Variants in ATF5 observed in about 807,000 individuals in gnomAD.
ATF5 encodes cyclic AMP-dependent transcription factor ATF-5.
ATF5 carries 6 observed loss-of-function variants against 4.6 expected under a neutral mutation model. The ratio of observed to expected loss-of-function variants is 1.31; its 90% CI spans 0.72 to 2.59. The LOEUF (loss-of-function observed/expected upper bound fraction) is 2.59, where lower values mean the gene tolerates loss of function less well. Ranked by LOEUF, ATF5 falls within the 30% of genes most tolerant of loss-of-function variation. The pLI is 0.00. For missense variants in ATF5, 410 were observed against 368.7 expected (o/e 1.11, Z -0.92); for synonymous variants, 193 against 165.0 (o/e 1.17, Z -1.30).
At chr19:49,931,363 A>G in intron 2 of ATF5, 1 of 381,062 alleles carries the variant, frequency 2.6e-6, no homozygotes. Context: ...TGAGGCATAA[A>G]TGATGGGAAG....
rs1568734963 is a variant in ATF5, at chr19:49,932,692, T to TC, written c.454dup (p.Gln152ProfsTer83). On this transcript the variant is annotated frameshift_variant, in exon 3 of 3. Coordinates refer to ENST00000423777, the MANE Select transcript of ATF5 (RefSeq NM_001193646.2). LOFTEE classifies it low-confidence loss of function (END_TRUNC). ...CCCCTGTCCCTCCCCTCCTTTGACC[T>TC]CCCCCAGCCCCCTGTCTTGGATACT... 7 of 1,084,142 alleles carry TC rather than the reference T, an allele frequency of 6.5e-6. No individual in the cohort carries two copies. The highest frequency in any genetic ancestry group is 8.4e-6 in the Non-Finnish European group (7 of 835,438). 67.2% of individuals were successfully genotyped at this position (1,084,142 alleles called of 1,614,324 possible).
chr19:49,932,863 G>T lies in ATF5; in HGVS notation c.620G>T (p.Arg207Leu). Residue 207 changes from arginine to leucine, a missense_variant, in exon 3 of 3, where the codon CGA (arginine) becomes CTA (leucine). Transcript: ENST00000423777. Reference sequence around the variant, plus strand: ...CCCTACCCACATCCTGCCACCACCCGAGGGGACCGCAAGCAAAAGAAGAGA... The same window carrying T: ...CCCTACCCACATCCTGCCACCACCCTAGGGGACCGCAAGCAAAAGAAGAGA... Reference protein sequence around the residue: ...LAPYPHPATTRGDRKQKKRDQ... With the variant: ...LAPYPHPATTLGDRKQKKRDQ... 6.2e-7 allele frequency: 1 copy of T among 1,612,742 alleles called. No homozygotes were observed. The highest frequency in any genetic ancestry group is 8.5e-7 in the Non-Finnish European group (1 of 1,179,562).
chr19:49,931,586 G>T (rs1043252801), intron 2 of ATF5, among the ~76,000 whole-genome samples: 1 of 152,094 alleles, frequency 6.6e-6, no homozygotes, highest in African/African-American at 2.4e-5. Flanking sequence ...GGTCTAGGCT[G>T]CAGTGAGCCA....
rs770437935 is a variant in ATF5 at position 49,930,946 on chromosome 19, G to A, written c.96G>A (p.Pro32=). The change falls in exon 2 of 3, where the codon CCG becomes CCA. Residue 32 remains proline, a synonymous_variant. Coordinates refer to ENST00000423777, the MANE Select transcript of ATF5 (RefSeq NM_001193646.2). ...TCGTAGACTATGGGAAACTCCCCCCGGCCCCTGCCCCCCTGGCTCCCTATG... is the reference window on the plus strand; with the variant it reads ...TCGTAGACTATGGGAAACTCCCCCCAGCCCCTGCCCCCCTGGCTCCCTATG... ...GWLVDYGKLP[P]APAPLAPYEV... 28 of 1,601,872 alleles carry A rather than the reference G, an allele frequency of 1.7e-5. No individual in the cohort carries two copies. The highest frequency in any genetic ancestry group is 2.7e-5 in the African/African-American group (2 of 74,784).
Position 49,932,460 on chromosome 19 carries a change from T to C in ATF5, c.217T>C (p.Phe73Leu). Residue 73 changes from phenylalanine (F) to leucine (L), a missense_variant, in exon 3 of 3, where the codon TTC becomes CTC. Transcript: ENST00000423777. Reference sequence around the variant, plus strand: ...TGACTGGATGACTGAGCGAGTTGATTTCACAGCTCTCCTCCCTCTGGAGCC... The same window carrying C: ...TGACTGGATGACTGAGCGAGTTGATCTCACAGCTCTCCTCCCTCTGGAGCC... Reference protein sequence around the residue: ...FSDWMTERVDFTALLPLEPPL... With the variant: ...FSDWMTERVDLTALLPLEPPL... The C allele has an allele frequency of 6.2e-7, 1 of 1,613,700 alleles. No homozygotes were observed. The highest frequency in any genetic ancestry group is 8.5e-7 in the Non-Finnish European group (1 of 1,179,820).
In ATF5 at chr19:49,932,419, C is replaced by T; in HGVS notation, c.179-3C>T. 6.2e-7 allele frequency: 1 copy of T among 1,614,072 alleles called. No homozygotes were observed. ...TTTGTGTCCCTCCCCACTTTAATCC[C>T]AGGTGATGGCTTCTCTGACTGGATG... On this transcript the variant is annotated splice_region_variant and splice_polypyrimidine_tract_variant and intron_variant, in intron 2 of 2. Transcript: ENST00000423777.
Position 49,930,911 on chromosome 19 carries a change from C to A in ATF5, c.61C>A (p.Leu21Met), listed in dbSNP as rs757843387. 1 of 1,612,018 alleles carries A rather than the reference C, an allele frequency of 6.2e-7. No homozygotes were observed. Among genetic ancestry groups the A allele is most frequent in the East Asian group, 2.2e-5 (1 of 44,774 alleles). Residue 21 changes from leucine (L) to methionine (M), a missense_variant, in exon 2 of 3, where the codon CTG (leucine) becomes ATG (methionine). Leu to Met is a conservative substitution (Grantham distance 15). Coordinates refer to ENST00000423777, the MANE Select transcript of ATF5 (RefSeq NM_001193646.2). ...CAGGGCCCTGCTCCCAGCTAGTGGG[C>A]TGGGATGGCTCGTAGACTATGGGAA... ...LDRALLPASG[L>M]GWLVDYGKLP...
In ATF5 at chr19:49,933,025, T is replaced by A; in HGVS notation, c.782T>A (p.Ile261Asn). 1 of 1,613,338 alleles carries A rather than the reference T, an allele frequency of 6.2e-7. No homozygotes were observed. Among genetic ancestry groups the A allele is most frequent in the East Asian group, 2.2e-5 (1 of 44,820 alleles). ...KERAESVEREIQYVKDLLIEV... is the reference protein window; with the variant it reads ...KERAESVERENQYVKDLLIEV... ...CGGGCAGAGTCCGTGGAGCGCGAGA[T>A]CCAGTACGTCAAGGACCTGCTCATC... The change falls in exon 3 of 3, where the codon ATC (isoleucine) becomes AAC (asparagine). Residue 261 changes from isoleucine to asparagine, a missense_variant. Transcript: ENST00000423777.
Position 49,933,421 on chromosome 19 carries a change from T to G in ATF5, c.*329T>G. On this transcript the variant is annotated 3_prime_UTR_variant, in exon 3 of 3. Coordinates refer to ENST00000423777, the MANE Select transcript of ATF5 (RefSeq NM_001193646.2). Reference sequence around the variant, plus strand: ...TATTTCTGGATCTCCTTCCCTCCTTTCTCGTCCAAATCATGAAATGTTTGG... The same window carrying G: ...TATTTCTGGATCTCCTTCCCTCCTTGCTCGTCCAAATCATGAAATGTTTGG... 4.2e-6 allele frequency: 1 copy of G among 238,640 alleles called. No homozygotes were observed. 14.8% of individuals were successfully genotyped at this position (238,640 alleles called of 1,614,324 possible).
Position 49,933,375 on chromosome 19 carries a change from C to T in ATF5, c.*283C>T, listed in dbSNP as rs757988785. ...ACTCTTATCCTTTTATCCTCTGTCTCTGCTTATCACCTCTCTTGCGTATTT... is the reference window on the plus strand; with the variant it reads ...ACTCTTATCCTTTTATCCTCTGTCTTTGCTTATCACCTCTCTTGCGTATTT... On this transcript the variant is annotated 3_prime_UTR_variant, in exon 3 of 3. Transcript: ENST00000423777. 6 of 345,268 alleles carry T rather than the reference C, an allele frequency of 1.7e-5. No individual in the cohort carries two copies. Among genetic ancestry groups the T allele is most frequent in the Non-Finnish European group, 3.1e-5 (6 of 191,196 alleles). The allele number at this position is 345,268 out of a possible 1,614,324, so 21.4% of individuals were successfully genotyped here. A position where few individuals can be genotyped will look rare whatever the true frequency, so the allele number is the denominator to read the frequency against.
chr19:49,931,465 T>G (rs930887841), intron 2 of ATF5, among the ~76,000 whole-genome samples: 2 of 151,850 alleles, frequency 1.3e-5, no homozygotes, highest in Non-Finnish European at 2.9e-5. Flanking sequence ...GTGGGCAACA[T>G]AGCGAGACCT....
Position 49,932,739 on chromosome 19 carries a change from T to G in ATF5, c.496T>G (p.Cys166Gly). The change falls in exon 3 of 3, where the codon TGC (cysteine) becomes GGC (glycine). Residue 166 changes from cysteine to glycine, a missense_variant. Physicochemically the swap from Cys to Gly is radical, Grantham distance 159. Coordinates refer to ENST00000423777, the MANE Select transcript of ATF5 (RefSeq NM_001193646.2). ...TACTCTGGACTTGCTGGCCATCTAC[T>G]GCCGCAACGAGGCCGGGCAGGAGGA... is the stretch of plus-strand genomic sequence containing the variant. ...LDTLDLLAIY[C>G]RNEAGQEEVG... 1 of 1,537,556 alleles carries G rather than the reference T, an allele frequency of 6.5e-7. No homozygotes were observed. The highest frequency in any genetic ancestry group is 8.8e-7 in the Non-Finnish European group (1 of 1,133,868).
At chr19:49,930,101 T>G (rs1341955487) in intron 1 of ATF5, 1 of 148,144 alleles carries the variant, frequency 6.8e-6, no homozygotes. Flanking sequence ...GGGGCGGGGC[T>G]AAACCAACCG....
intron 2 of ATF5, among the ~76,000 whole-genome samples, chr19:49,932,006 A>T (rs1016718946): frequency 1.3e-5 from 2 of 151,024 alleles, no homozygotes; most frequent in African/African-American, 4.9e-5. Context: ...TTTCTTTTTT[A>T]ATTTTTTTTT....
At chr19:49,929,027 G>C (rs563914335), upstream of ATF5, 1 of 152,476 alleles carries the variant, frequency 6.6e-6, no homozygotes, top group African/African-American at 2.4e-5. Flanking sequence ...CAGCTGAGAG[G>C]GAGGAGGGTC....
At position 49,932,603 on chromosome 19, in the gene ATF5, G is replaced by GCTCCTCCCCCCCCCCCCCCC; in HGVS notation, c.361_362insTCCTCCCCCCCCCCCCCCCC (p.Pro121LeufsTer110). On this transcript the variant is annotated frameshift_variant, in exon 3 of 3. Transcript: ENST00000423777. LOFTEE classifies it low-confidence loss of function (END_TRUNC). ...TGGAAGACTTCTTCCTAGATGCCCC[G>GCTCCTCCCCCCCCCCCCCCC]CCCCTCCCACCACCCTCCCCGCCGC... 4.3e-6 allele frequency: 6 copies of GCTCCTCCCCCCCCCCCCCCC among 1,396,422 alleles called. No individual in the cohort carries two copies. Among genetic ancestry groups the GCTCCTCCCCCCCCCCCCCCC allele is most frequent in the East Asian group, 2.9e-5 (1 of 34,408 alleles). 86.5% of individuals were successfully genotyped at this position (1,396,422 alleles called of 1,614,324 possible).
rs576561642 is a variant in ATF5, at chr19:49,932,856, A to G, written c.613A>G (p.Thr205Ala). ...SRLAPYPHPA[T>A]TRGDRKQKKR... ...CCTGGCCCCCTACCCACATCCTGCC[A>G]CCACCCGAGGGGACCGCAAGCAAAA... Residue 205 changes from threonine to alanine, a missense_variant, in exon 3 of 3, where the codon ACC (threonine) becomes GCC (alanine). Physicochemically the swap from Thr to Ala is moderately conservative, Grantham distance 58. Transcript: ENST00000423777. 3.7e-6 allele frequency: 6 copies of G among 1,612,158 alleles called. No individual in the cohort carries two copies. The East Asian group carries it at 1.3e-4, about 36-fold the overall frequency.
In ATF5 at chr19:49,932,844, C is replaced by T. The variant is rs750121683; in HGVS notation, c.601C>T (p.Pro201Ser). 6.2e-7 allele frequency: 1 copy of T among 1,611,980 alleles called. No individual in the cohort carries two copies. Among genetic ancestry groups the T allele is most frequent in the Admixed American group, 1.7e-5 (1 of 59,676 alleles). The change falls in exon 3 of 3, where the codon CCA becomes TCA. Residue 201 changes from proline to serine, a missense_variant. By Grantham distance (74) the Pro-to-Ser change is moderately conservative. Coordinates refer to ENST00000423777, the MANE Select transcript of ATF5 (RefSeq NM_001193646.2). Reference protein sequence around the residue: ...PPQPSRLAPYPHPATTRGDRK... With the variant: ...PPQPSRLAPYSHPATTRGDRK... ...TCAACCTTCTCGCCTGGCCCCCTAC[C>T]CACATCCTGCCACCACCCGAGGGGA... is the stretch of plus-strand genomic sequence containing the variant.
At chr19:49,931,626 A>G (rs2076064776) in intron 2 of ATF5, among the ~76,000 whole-genome samples, 2 of 152,112 alleles carry the variant, frequency 1.3e-5, no homozygotes, top group Non-Finnish European at 1.5e-5. Context: ...CAGCCTGGGC[A>G]ACAGAGTGAA....
Sources: gnomAD v4.1 joint callset for allele counts (sites outside exome capture counted in the v4.1 genomes callset) on GRCh38, gnomAD v4.1.1 for gene constraint, MANE v1.5 for transcripts, NCBI Gene and HGNC (gene_info 2026-07-23, HGNC 2026-07-21) for gene names.